Variants in NAV2 observed in about 807,000 individuals in gnomAD.
NAV2 encodes neuron navigator 2, also known as helicase, APC down-regulated 1.
In NAV2, 54 loss-of-function variants were observed where a neutral mutation model predicts 223.2. The observed-to-expected ratio is 0.24, with a 90% CI of 0.19 to 0.30. The LOEUF (loss-of-function observed/expected upper bound fraction) is 0.30. NAV2 is among the 10% of genes least tolerant of loss of function. The pLI is 1.00. For synonymous variants in NAV2, 1,279 were observed against 1,239.3 expected (o/e 1.03, Z -0.67); for missense variants, 2,806 against 3,147.5 (o/e 0.89, Z 2.60).
intron 1 of NAV2, among the ~76,000 whole-genome samples, chr11:19,768,555 G>A (rs1272889777): frequency 6.6e-6 from 1 of 152,146 alleles, no homozygotes; most frequent in Non-Finnish European, 1.5e-5. Flanking sequence ...GAAGATTTGG[G>A]AAGCCTTGGC....
At chr11:19,859,558 C>T (rs898345760) in intron 3 of NAV2, among the ~76,000 whole-genome samples, 1 of 151,704 alleles carries the variant, frequency 6.6e-6, no homozygotes, top group Non-Finnish European at 1.5e-5. Flanking sequence ...ACAGACACGG[C>T]AACCATCCGA....
chr11:19,988,073 T>C (rs551352894), intron 11 of NAV2, among the ~76,000 whole-genome samples: 26 of 152,268 alleles, frequency 1.7e-4, no homozygotes, highest in Admixed American at 1.3e-4. Context: ...CATCAAAAGT[T>C]CCCGAACTCC....
chr11:19,858,167 A>G (rs184527548), intron 3 of NAV2, among the ~76,000 whole-genome samples: 85 of 152,308 alleles, frequency 5.6e-4, no homozygotes, highest in Non-Finnish European at 1.1e-3. Context: ...GAACTTGTTC[A>G]TTTTATGACT....
intron 1 of NAV2, among the ~76,000 whole-genome samples, chr11:19,374,726 C>T (rs1025478414): frequency 1.3e-5 from 2 of 152,118 alleles, no homozygotes; most frequent in African/African-American, 4.8e-5. Context: ...ATCATGAATT[C>T]AGGAGAGATC....
intron 4 of NAV2, among the ~76,000 whole-genome samples, chr11:19,870,599 T>C (rs931281225): frequency 1.1e-4 from 16 of 152,200 alleles, no homozygotes; most frequent in Admixed American, 2.6e-4. Flanking sequence ...TGTCCCATCC[T>C]CTCTGTACCC....
intron 1 of NAV2, among the ~76,000 whole-genome samples, chr11:19,686,805 A>G (rs549698679): frequency 6.6e-6 from 1 of 152,318 alleles, no homozygotes; most frequent in South Asian, 2.1e-4. Flanking sequence ...GTTTCCTCAC[A>G]TAAAGTATGG....
At chr11:19,478,542 C>A (rs1301563407) in intron 1 of NAV2, among the ~76,000 whole-genome samples, 1 of 152,204 alleles carries the variant, frequency 6.6e-6, no homozygotes, top group Non-Finnish European at 1.5e-5. Context: ...ATTAATTCAT[C>A]AAATATTGTA....
At chr11:19,833,230 A>G (rs529857948) in intron 2 of NAV2, among the ~76,000 whole-genome samples, 89 of 152,316 alleles carry the variant, frequency 5.8e-4, no homozygotes, top group Non-Finnish European at 2.9e-5. Flanking sequence ...GAGAGCCCAG[A>G]GCAGACAGAG....
At chr11:19,793,776 G>C (rs993483094) in intron 1 of NAV2, among the ~76,000 whole-genome samples, 2 of 152,146 alleles carry the variant, frequency 1.3e-5, no homozygotes. Context: ...TCATCTGGCC[G>C]CTGCCTTCCT....
At chr11:19,799,783 AC>A (rs1425183708) in intron 1 of NAV2, among the ~76,000 whole-genome samples, 2 of 151,414 alleles carry the variant, frequency 1.3e-5, no homozygotes, top group Admixed American at 6.6e-5. Flanking sequence ...GGAACCCACC[AC>A]CCCCCACACC....
chr11:19,786,306 T>C (rs1040375461), intron 1 of NAV2, among the ~76,000 whole-genome samples: 1 of 152,198 alleles, frequency 6.6e-6, no homozygotes, highest in Non-Finnish European at 1.5e-5. Flanking sequence ...TCAGCTCATC[T>C]TGACCCTCTG....
chr11:19,463,495 G>A (rs1299341903), intron 1 of NAV2, among the ~76,000 whole-genome samples: 1 of 152,224 alleles, frequency 6.6e-6, no homozygotes, highest in East Asian at 1.9e-4. Flanking sequence ...CCAGGCAGAT[G>A]GAGTGAGCAC....
rs2053944264 is a variant in NAV2, at chr11:20,015,675, T to TA, written c.2769-20283dup. On this transcript the variant is annotated intron_variant, in intron 11 of 37. Coordinates refer to ENST00000349880, the MANE Select transcript of NAV2 (RefSeq NM_145117.5). The stretch of plus-strand genomic sequence containing the variant: ...AGAGAGAGACATCTTCTCTTTGACA[T>TA]ACCACTGTTTCCCCAGCACAATGCC... 2.6e-5 allele frequency among the ~76,000 whole-genome samples: 4 copies of TA among 152,308 alleles called. No individual in the cohort carries two copies. In the South Asian group the frequency reaches 8.3e-4, roughly 32 times the overall value.
At chr11:19,977,204 G>A (rs2049840209) in intron 10 of NAV2, among the ~76,000 whole-genome samples, 2 of 152,190 alleles carry the variant, frequency 1.3e-5, no homozygotes, top group Non-Finnish European at 2.9e-5. Flanking sequence ...TGCCCACTAA[G>A]TCATAAAAAT....
At chr11:19,346,958 C>A (rs182475241), upstream of NAV2, among the ~76,000 whole-genome samples, 19 of 152,300 alleles carry the variant, frequency 1.2e-4, no homozygotes, top group Admixed American at 7.2e-4. Flanking sequence ...TGGAAAGACC[C>A]TTCTTTTAGA....
chr11:20,040,596 T>C (rs980981825), intron 12 of NAV2, among the ~76,000 whole-genome samples: 1 of 152,214 alleles, frequency 6.6e-6, no homozygotes, highest in Admixed American at 6.5e-5. Flanking sequence ...CCTCACCTCT[T>C]GCTCTCAGAA....
intron 18 of NAV2, among the ~76,000 whole-genome samples, chr11:20,055,110 T>G (rs2058286250): frequency 6.6e-6 from 1 of 152,228 alleles, no homozygotes; most frequent in African/African-American, 2.4e-5. Flanking sequence ...CTGAATATAG[T>G]GAATAACAAA....
intron 11 of NAV2, among the ~76,000 whole-genome samples, chr11:19,996,097 A>G (rs2051854434): frequency 6.6e-6 from 1 of 152,206 alleles, no homozygotes; most frequent in Non-Finnish European, 1.5e-5. Flanking sequence ...CTTACAAATA[A>G]GGAAAATAAG....
In NAV2 at chr11:20,095,534, A is replaced by C. The variant is rs1007344666; in HGVS notation, c.5917-138A>C. On this transcript the variant is annotated intron_variant, in intron 29 of 37. Coordinates refer to ENST00000349880, the MANE Select transcript of NAV2 (RefSeq NM_145117.5). ...AGACTATTACTTCCACCTAAGTTAT[A>C]CCTGGTTTTAATACAAATAGGACTT... 1.2e-5 allele frequency: 8 copies of C among 658,224 alleles called. No individual in the cohort carries two copies. The East Asian group carries it at 2.1e-4, about 17-fold the overall frequency. The allele number at this position is 658,224 out of a possible 1,614,324, so 40.8% of individuals were successfully genotyped here.
Sources: allele counts gnomAD v4.1 joint callset (sites outside exome capture counted in the v4.1 genomes callset), GRCh38; gene constraint gnomAD v4.1.1; transcripts MANE v1.5; gene names NCBI Gene and HGNC (gene_info 2026-07-23, HGNC 2026-07-21).